SORCS3: variants seen among roughly 807,000 people sequenced by gnomAD.
SORCS3 encodes the protein sortilin related VPS10 domain containing receptor 3.
In SORCS3, 57 loss-of-function variants were observed where a neutral mutation model predicts 146.3. The observed-to-expected ratio is 0.39, with a 90% CI of 0.31 to 0.49. The LOEUF (loss-of-function observed/expected upper bound fraction) is 0.49, where lower values mean the gene tolerates loss of function less well. Among genes scored for constraint, SORCS3 ranks in the 20% least tolerant of loss-of-function variants. The pLI is 0.92. For synonymous variants in SORCS3, 653 were observed against 618.5 expected, an observed-to-expected ratio of 1.06 and a Z score of -0.83; for missense variants, 1,341 against 1,575.5, an observed-to-expected ratio of 0.85 and a Z score of 2.52.
chr10:104,794,624 A>G (rs1199430838), intron 1 of SORCS3, among the ~76,000 whole-genome samples: 12 of 47,646 alleles, frequency 2.5e-4, no homozygotes, highest in African/African-American at 8.3e-4. Context: ...AGAGGGAGGG[A>G]GAGAGAGAGA....
chr10:105,161,363 G>A (rs1181341955), intron 11 of SORCS3, among the ~76,000 whole-genome samples: 1 of 152,252 alleles, frequency 6.6e-6, no homozygotes, highest in Non-Finnish European at 1.5e-5. Context: ...TCAGTGGCCT[G>A]CATGGAGCCT....
At chr10:104,934,685 G>A (rs751295585) in intron 3 of SORCS3, among the ~76,000 whole-genome samples, 1 of 152,178 alleles carries the variant, frequency 6.6e-6, no homozygotes, top group South Asian at 2.1e-4. Context: ...TTGCCAAAGA[G>A]GTAGACCAGC....
intron 2 of SORCS3, among the ~76,000 whole-genome samples, chr10:104,890,530 G>A (rs192493833): frequency 3.2e-4 from 49 of 152,114 alleles, no homozygotes; most frequent in South Asian, 1.2e-3. Flanking sequence ...ATATCTGAAA[G>A]TTTGATTTGT....
intron 1 of SORCS3, among the ~76,000 whole-genome samples, chr10:104,795,599 T>G (rs1226603694): frequency 6.6e-6 from 1 of 152,258 alleles, no homozygotes; most frequent in Non-Finnish European, 1.5e-5. Context: ...TACAACATGG[T>G]GTAGAATGAT....
At chr10:105,244,125 C>T (rs1054493748) in intron 20 of SORCS3, among the ~76,000 whole-genome samples, 2 of 152,082 alleles carry the variant, frequency 1.3e-5, no homozygotes, top group African/African-American at 2.4e-5. Context: ...CCAACTGTTA[C>T]GTCTTACTTT....
intron 7 of SORCS3, among the ~76,000 whole-genome samples, chr10:105,113,824 C>T (rs932951852): frequency 6.6e-6 from 1 of 152,106 alleles, no homozygotes. Flanking sequence ...TCAAAAGAAG[C>T]TAATCCTTCC....
At chr10:104,882,139 A>T (rs1422080871) in intron 2 of SORCS3, among the ~76,000 whole-genome samples, 1 of 152,190 alleles carries the variant, frequency 6.6e-6, no homozygotes, top group Non-Finnish European at 1.5e-5. Flanking sequence ...AGAGTAAAGT[A>T]AATATCTGGA....
At chr10:104,827,369 T>C (rs1186977625) in intron 1 of SORCS3, among the ~76,000 whole-genome samples, 1 of 152,208 alleles carries the variant, frequency 6.6e-6, no homozygotes, top group Admixed American at 6.5e-5. Context: ...GATGTTGTGA[T>C]AGCAGGCATA....
chr10:104,735,456 G>GTTTTTTTTTTTTTTTTT lies in SORCS3; in HGVS notation c.627+93507_627+93523dup, dbSNP rs56203751. ...CGGTATTCATGAGCTCTCACCGTCT[G>GTTTTTTTTTTTTTTTTT]TTTTTTTTTTTTTTTTTTTTTAATC... On this transcript the variant is annotated intron_variant, in intron 1 of 26. Coordinates refer to ENST00000369701, the MANE Select transcript of SORCS3 (RefSeq NM_014978.3). Among the ~76,000 whole-genome samples the GTTTTTTTTTTTTTTTTT allele has an allele frequency of 8.4e-3, 294 of 34,944 alleles. 58 individuals carry two copies. Among genetic ancestry groups the GTTTTTTTTTTTTTTTTT allele is most frequent in the East Asian group, 0.016 (10 of 630 alleles). The allele number at this position is 34,944 out of a possible 152,430, so 22.9% of individuals were successfully genotyped here.
At chr10:105,057,282 T>C (rs1841402442) in intron 5 of SORCS3, among the ~76,000 whole-genome samples, 2 of 152,258 alleles carry the variant, frequency 1.3e-5, no homozygotes, top group East Asian at 3.9e-4. Flanking sequence ...TGGACTTCTG[T>C]ATAAGTTTTT....
intron 2 of SORCS3, 121 bp downstream of exon 2, chr10:104,842,980 A>G: frequency 1.3e-6 from 1 of 773,846 alleles, no homozygotes; most frequent in South Asian, 1.6e-5. Context: ...CTGGAAGCTC[A>G]TGTTAATGCT....
chr10:104,963,751 T>G (rs991430636), intron 3 of SORCS3, among the ~76,000 whole-genome samples: 1 of 152,276 alleles, frequency 6.6e-6, no homozygotes, highest in South Asian at 2.1e-4. Context: ...TTCTTTATTT[T>G]TAAAGCCCTG....
intron 3 of SORCS3, among the ~76,000 whole-genome samples, chr10:104,924,466 C>T (rs1179146086): frequency 5.9e-5 from 9 of 152,216 alleles, no homozygotes; most frequent in Non-Finnish European, 1.5e-5. Flanking sequence ...TATCCACAGC[C>T]TCTCAGTACT....
chr10:104,974,891 G>A (rs1036092171), intron 3 of SORCS3, among the ~76,000 whole-genome samples: 2 of 152,036 alleles, frequency 1.3e-5, no homozygotes, highest in African/African-American at 2.4e-5. Context: ...GGCAGTCCTG[G>A]TGGTGACAAA....
intron 3 of SORCS3, among the ~76,000 whole-genome samples, chr10:104,946,496 T>C (rs1240128554): frequency 6.6e-6 from 1 of 152,194 alleles, no homozygotes; most frequent in Non-Finnish European, 1.5e-5. Flanking sequence ...ATAAGCACTT[T>C]GTCGTAGTCA....
intron 1 of SORCS3, among the ~76,000 whole-genome samples, chr10:104,779,430 A>G (rs1362588359): frequency 6.6e-6 from 1 of 152,196 alleles, no homozygotes; most frequent in African/African-American, 2.4e-5. Context: ...CGTACACACA[A>G]CTGAAAAAGG....
chr10:104,859,170 A>G (rs988965028), intron 2 of SORCS3, among the ~76,000 whole-genome samples: 2 of 152,092 alleles, frequency 1.3e-5, no homozygotes, highest in Non-Finnish European at 2.9e-5. Flanking sequence ...TCTGGAAATC[A>G]TGCATCTCCA....
At chr10:104,700,794 G>A (rs1434578742) in intron 1 of SORCS3, among the ~76,000 whole-genome samples, 1 of 152,138 alleles carries the variant, frequency 6.6e-6, no homozygotes, top group African/African-American at 2.4e-5. Flanking sequence ...TAAAAGGCAG[G>A]GGCTCAGCCT....
chr10:105,172,945 A>T (rs538381751), intron 13 of SORCS3, among the ~76,000 whole-genome samples: 10 of 151,908 alleles, frequency 6.6e-5, no homozygotes, highest in Non-Finnish European at 1.2e-4. Context: ...TCATTTCTCT[A>T]GTGGTAGGTC....
Sources: allele counts gnomAD v4.1 joint callset (sites outside exome capture counted in the v4.1 genomes callset), GRCh38; gene constraint gnomAD v4.1.1; transcripts MANE v1.5; gene names NCBI Gene and HGNC (gene_info 2026-07-23, HGNC 2026-07-21).